Variants in CHN1 observed in about 807,000 individuals in gnomAD.
CHN1 encodes N-chimaerin.
CHN1 carries 37 observed loss-of-function variants against 59.5 expected under a neutral mutation model. The observed-to-expected ratio is 0.62, with a 90% confidence interval of 0.48 to 0.82. CHN1 has a LOEUF of 0.82. Ranked by LOEUF, CHN1 falls within the 40% of genes least tolerant of loss-of-function variation. The probability of loss-of-function intolerance (pLI) is 0.00; values close to 1 mark genes in which losing one functional copy is unlikely to be tolerated. For synonymous variants in CHN1, 206 were observed against 200.4 expected, an observed-to-expected ratio of 1.03 and a Z score of -0.24; for missense variants, 469 against 571.0, an observed-to-expected ratio of 0.82 and a Z score of 1.82.
intron 1 of CHN1, among the ~76,000 whole-genome samples, chr2:174,976,965 T>A (rs908977438): frequency 6.6e-6 from 1 of 152,212 alleles, no homozygotes; most frequent in East Asian, 1.9e-4. Context: ...TGGTCCAGCA[T>A]CTTGCTGCAA....
intron 6 of CHN1, chr2:174,847,528 G>C: frequency 8.1e-7 from 1 of 1,228,680 alleles, no homozygotes; most frequent in Non-Finnish European, 1.0e-6. Flanking sequence ...TGTCCATTCT[G>C]AATGAAAGAT....
chr2:174,885,112 C>G (rs931694963), intron 5 of CHN1, among the ~76,000 whole-genome samples: 9 of 150,420 alleles, frequency 6.0e-5, no homozygotes, highest in Non-Finnish European at 1.3e-4. Context: ...ATGGTGAAAC[C>G]CCATCTCTAC....
At chr2:174,977,518 T>C (rs1690986265) in intron 1 of CHN1, among the ~76,000 whole-genome samples, 1 of 152,224 alleles carries the variant, frequency 6.6e-6, no homozygotes, top group Admixed American at 6.5e-5. Flanking sequence ...TCAGGCTGCC[T>C]TTATACCTTG....
chr2:174,803,358 CA>C (rs1684788725), intron 11 of CHN1, among the ~76,000 whole-genome samples: 1 of 152,104 alleles, frequency 6.6e-6, no homozygotes, highest in Admixed American at 6.6e-5. Flanking sequence ...ATCTCTACCC[CA>C]AATTTCTTCA....
intron 11 of CHN1, among the ~76,000 whole-genome samples, chr2:174,808,012 T>A (rs183544342): frequency 6.6e-6 from 1 of 152,336 alleles, no homozygotes; most frequent in Admixed American, 6.5e-5. Context: ...GAAGTGTGAA[T>A]TACAAGTATG....
intron 11 of CHN1, 85 bp downstream of exon 11, chr2:174,808,820 T>C (rs1215738361): frequency 1.4e-6 from 2 of 1,401,028 alleles, no homozygotes; most frequent in East Asian, 2.3e-5. Context: ...TTTCATAAAA[T>C]GCATTCAAGT....
At chr2:174,983,304 T>C (rs1213221043) in intron 1 of CHN1, among the ~76,000 whole-genome samples, 2 of 152,200 alleles carry the variant, frequency 1.3e-5, no homozygotes, top group Non-Finnish European at 2.9e-5. Context: ...TGTAATCTTT[T>C]AGGAATAAAT....
intron 6 of CHN1, among the ~76,000 whole-genome samples, chr2:174,861,757 ATTG>A (rs1265530920): frequency 6.6e-6 from 1 of 152,226 alleles, no homozygotes; most frequent in Non-Finnish European, 1.5e-5. Context: ...ATTGAAAACA[ATTG>A]TTGTGCTGAG....
At chr2:174,915,797 A>G (rs1362434035) in intron 4 of CHN1, among the ~76,000 whole-genome samples, 3 of 152,202 alleles carry the variant, frequency 2.0e-5, no homozygotes, top group African/African-American at 7.2e-5. Flanking sequence ...TTACACAAAC[A>G]CAGATGAACC....
intron 7 of CHN1, chr2:174,846,409 A>T: frequency 6.5e-7 from 1 of 1,543,620 alleles, no homozygotes; most frequent in South Asian, 1.2e-5. Flanking sequence ...ATCATGGTCA[A>T]TTCATTAACA....
chr2:175,001,608 T>C (rs988798572), intron 1 of CHN1, among the ~76,000 whole-genome samples: 6 of 152,126 alleles, frequency 3.9e-5, no homozygotes, highest in African/African-American at 1.2e-4. Flanking sequence ...GTAACAAGAA[T>C]AAGGGGCAAG....
intron 2 of CHN1, among the ~76,000 whole-genome samples, chr2:174,947,371 T>C (rs1439104024): frequency 6.6e-6 from 1 of 152,198 alleles, no homozygotes; most frequent in Non-Finnish European, 1.5e-5. Flanking sequence ...ATCCTTCTAA[T>C]CGTCTCAAAG....
At chr2:174,817,638 C>CTTTT (rs958427207) in intron 8 of CHN1, among the ~76,000 whole-genome samples, 3 of 129,438 alleles carry the variant, frequency 2.3e-5, no homozygotes, top group Non-Finnish European at 5.0e-5. Context: ...ATTTTTTTTT[C>CTTTT]TTTTTTTTTT....
At chr2:174,978,256 G>T (rs1226496737) in intron 1 of CHN1, among the ~76,000 whole-genome samples, 1 of 152,064 alleles carries the variant, frequency 6.6e-6, no homozygotes, top group Non-Finnish European at 1.5e-5. Flanking sequence ...ACTCCTCTAG[G>T]TTTTAAAAAC....
chr2:174,801,322 T>C (rs1009382527), intron 12 of CHN1, among the ~76,000 whole-genome samples: 2 of 151,116 alleles, frequency 1.3e-5, no homozygotes, highest in Non-Finnish European at 2.9e-5. Context: ...AGCAAGAAGA[T>C]AGGAAAAGTG....
intron 5 of CHN1, among the ~76,000 whole-genome samples, chr2:174,909,802 T>C (rs1305977974): frequency 6.6e-6 from 1 of 152,220 alleles, no homozygotes; most frequent in Non-Finnish European, 1.5e-5. Flanking sequence ...AGGTAATACT[T>C]GTGGCTGAAA....
chr2:174,881,222 C>G (rs1422355479), intron 5 of CHN1, among the ~76,000 whole-genome samples: 1 of 152,092 alleles, frequency 6.6e-6, no homozygotes, highest in Non-Finnish European at 1.5e-5. Flanking sequence ...CAGAGCACAA[C>G]AATTAGGCTT....
intron 5 of CHN1, among the ~76,000 whole-genome samples, chr2:174,885,508 T>G (rs755461142): frequency 6.6e-6 from 1 of 152,040 alleles, no homozygotes; most frequent in Non-Finnish European, 1.5e-5. Flanking sequence ...AATTTTTCTT[T>G]TTTTTCTGAG....
chr2:174,976,049 C>A (rs1439434270), intron 1 of CHN1, among the ~76,000 whole-genome samples: 1 of 143,636 alleles, frequency 7.0e-6, no homozygotes, highest in Non-Finnish European at 1.5e-5. Flanking sequence ...TGGTGTGAAC[C>A]CGGGAGGCGG....
Sources: allele counts gnomAD v4.1 joint callset (sites outside exome capture counted in the v4.1 genomes callset), GRCh38; gene constraint gnomAD v4.1.1; transcripts MANE v1.5; gene names NCBI Gene and HGNC (gene_info 2026-07-23, HGNC 2026-07-21).